SLC40A1: variants seen among roughly 807,000 people sequenced by gnomAD.
SLC40A1 encodes the protein ferroportin.
A neutral mutation model predicts 53.5 loss-of-function variants in SLC40A1; 16 were observed. That is an observed-to-expected ratio of 0.30 (90% confidence interval 0.20 to 0.45). The LOEUF (loss-of-function observed/expected upper bound fraction) is 0.45. Ranked by LOEUF, SLC40A1 falls within the 20% of genes least tolerant of loss-of-function variation. The pLI, the probability that SLC40A1 is intolerant of heterozygous loss-of-function variation, is 1.00. For synonymous variants in SLC40A1, 247 were observed against 253.2 expected, an observed-to-expected ratio of 0.98 and a Z score of 0.23; for missense variants, 545 against 695.4, an observed-to-expected ratio of 0.78 and a Z score of 2.43.
chr2:189,563,576 T>C lies in SLC40A1; in HGVS notation c.1402+8A>G. The C allele has an allele frequency of 6.2e-7, 1 of 1,612,324 alleles. No homozygotes were observed. Among genetic ancestry groups the C allele is most frequent in the Middle Eastern group, 1.7e-4 (1 of 6,050 alleles). ...TAGTTCATTAATATATAAAAAGAGA[T>C]TTCTTACCGATTCTAGCAGCAATGA... On this transcript the variant is annotated splice_region_variant and intron_variant, in intron 7 of 7. Transcript: ENST00000261024.
In SLC40A1 at chr2:189,579,897, G is replaced by A. The variant is rs767047095; in HGVS notation, c.44-17C>T. On this transcript the variant is annotated splice_polypyrimidine_tract_variant and intron_variant, in intron 1 of 7. Coordinates refer to ENST00000261024, the MANE Select transcript of SLC40A1 (RefSeq NM_014585.6). ...CCAAGGATCCTGCAAAGACACAGGCGGGGTGACAAAAAGCGATGGTAGTCA... is the reference window on the plus strand; with the variant it reads ...CCAAGGATCCTGCAAAGACACAGGCAGGGTGACAAAAAGCGATGGTAGTCA... 4 of 1,613,584 alleles carry A rather than the reference G, an allele frequency of 2.5e-6. No homozygotes were observed. Among genetic ancestry groups the A allele is most frequent in the East Asian group, 4.5e-5 (2 of 44,896 alleles).
chr2:189,560,839 T>C lies in SLC40A1; in HGVS notation c.*1039A>G, dbSNP rs375974634. The C allele has an allele frequency of 6.6e-6, 1 of 152,612 alleles. No homozygotes were observed. The highest frequency in any genetic ancestry group is 2.4e-5 in the African/African-American group (1 of 41,464). 9.5% of individuals were successfully genotyped at this position (152,612 alleles called of 1,614,324 possible). On this transcript the variant is annotated 3_prime_UTR_variant, in exon 8 of 8. Coordinates refer to ENST00000261024, the MANE Select transcript of SLC40A1 (RefSeq NM_014585.6). ...TTTTAAAATATATACAAACTTTTTT[T>C]CTTCTATTCTTCTCAAAGGCATTTG...
chr2:189,579,829 T>C lies in SLC40A1; in HGVS notation c.95A>G (p.His32Arg). The C allele has an allele frequency of 6.2e-7, 1 of 1,614,124 alleles. No individual in the cohort carries two copies. Among genetic ancestry groups the C allele is most frequent in the Non-Finnish European group, 8.5e-7 (1 of 1,179,972 alleles). Reference protein sequence around the residue: ...TSAKFLLYLGHSLSTWGDRMW... With the variant: ...TSAKFLLYLGRSLSTWGDRMW... Reference sequence around the variant, plus strand: ...CTCACTTACCCAAGTAGAGAGAGAATGACCAAGGTAGAGAAGGAATTTTGC... The same window carrying C: ...CTCACTTACCCAAGTAGAGAGAGAACGACCAAGGTAGAGAAGGAATTTTGC... The change falls in exon 2 of 8, where the codon CAT becomes CGT. Residue 32 changes from histidine (H) to arginine (R), a missense_variant. Coordinates refer to ENST00000261024, the MANE Select transcript of SLC40A1 (RefSeq NM_014585.6).
intron 3 of SLC40A1, among the ~76,000 whole-genome samples, chr2:189,574,293 T>G (rs1395476492): frequency 2.0e-5 from 3 of 152,180 alleles, no homozygotes; most frequent in Non-Finnish European, 2.9e-5. Flanking sequence ...TTTTCTAGAT[T>G]ACAGAACTTT....
rs910343037 is a variant in SLC40A1, at chr2:189,561,988, T to A, written c.1606A>T (p.Ile536Phe). 25 of 1,614,038 alleles carry A rather than the reference T, an allele frequency of 1.5e-5. No homozygotes were observed. In the African/African-American group the frequency reaches 3.3e-4, roughly 22 times the overall value. ...TTTTGGGCAAATCGGAAATACATAA[T>A]GTGGCCCATTGCCACAAAGGAGACT... ...ISVSFVAMGH[I>F]MYFRFAQNTL... Residue 536 changes from isoleucine (I) to phenylalanine (F), a missense_variant, in exon 8 of 8, where the codon ATT (isoleucine) becomes TTT (phenylalanine). Physicochemically the swap from Ile to Phe is conservative, Grantham distance 21. This residue lies in a region of SLC40A1 where 234 missense variants were observed against 299.0 expected (regional missense o/e 0.78). Coordinates refer to ENST00000261024, the MANE Select transcript of SLC40A1 (RefSeq NM_014585.6).
chr2:189,568,114 A>G (rs1438045076), intron 5 of SLC40A1, among the ~76,000 whole-genome samples: 1 of 152,112 alleles, frequency 6.6e-6, no homozygotes, highest in East Asian at 1.9e-4. Context: ...GAAAGTTAAT[A>G]ATATGTAGGT....
rs552769959 is a variant in SLC40A1 at position 189,580,168 on chromosome 2, GTTTT to G, written c.43+246_43+249del. ...CTTTTTTGGGTTGGTTGGTTTGTTT[GTTTT>G]GTTTCTTTTTTACACAAGGCAATCC... On this transcript the variant is annotated intron_variant, in intron 1 of 7. Transcript: ENST00000261024. Among the ~76,000 whole-genome samples, 246 of 142,658 alleles carry G rather than the reference GTTTT, an allele frequency of 1.7e-3. 1 individual carries two copies. The highest frequency in any genetic ancestry group is 5.8e-3 in the African/African-American group (234 of 40,128). The allele number at this position is 142,658 out of a possible 152,430, so 93.6% of individuals were successfully genotyped here.
chr2:189,563,346 C>G (rs1053792462), intron 7 of SLC40A1, among the ~76,000 whole-genome samples: 1 of 150,344 alleles, frequency 6.7e-6, no homozygotes, highest in South Asian at 2.1e-4. Context: ...ATTTTCAAGC[C>G]TGAACCATGT....
rs758105683 is a variant in SLC40A1 at position 189,563,776 on chromosome 2, G to T, written c.1210C>A (p.Pro404Thr). ...AACCTTGATCGGATATCTTCAAAAGGAGAAACGGACAAGTCCAGGGGGCTT... is the reference window on the plus strand; with the variant it reads ...AACCTTGATCGGATATCTTCAAAAGTAGAAACGGACAAGTCCAGGGGGCTT... ...PGSPLDLSVS[P>T]FEDIRSRFIQ... The change falls in exon 7 of 8, where the codon CCT becomes ACT. Residue 404 changes from proline (P) to threonine (T), a missense_variant. By Grantham distance (38) the Pro-to-Thr change is conservative (BLOSUM62 -1). This residue lies in a region of SLC40A1 where 234 missense variants were observed against 299.0 expected (regional missense o/e 0.78). Coordinates refer to ENST00000261024, the MANE Select transcript of SLC40A1 (RefSeq NM_014585.6). 1 of 1,614,178 alleles carries T rather than the reference G, an allele frequency of 6.2e-7. No homozygotes were observed. The highest frequency in any genetic ancestry group is 8.5e-7 in the Non-Finnish European group (1 of 1,180,024).
At chr2:189,566,190 A>G (rs1206225001) in intron 5 of SLC40A1, among the ~76,000 whole-genome samples, 1 of 152,224 alleles carries the variant, frequency 6.6e-6, no homozygotes, top group East Asian at 1.9e-4. Flanking sequence ...TGAAAAAAAG[A>G]GCATCACAGC....
At chr2:189,577,055 T>C (rs1216627877) in intron 2 of SLC40A1, among the ~76,000 whole-genome samples, 2 of 152,222 alleles carry the variant, frequency 1.3e-5, no homozygotes, top group African/African-American at 2.4e-5. Context: ...GTAAAGTCTA[T>C]GTAAATATTG....
At position 189,571,695 on chromosome 2, in the gene SLC40A1, A is replaced by G. The variant is rs996146347; in HGVS notation, c.514+20T>C. Reference sequence around the variant, plus strand: ...TGAATCCTAACATGCTCATTTCATTAAAAGAGAAAGCCAAATTACTTGCTA... The same window carrying G: ...TGAATCCTAACATGCTCATTTCATTGAAAGAGAAAGCCAAATTACTTGCTA... On this transcript the variant is annotated intron_variant, in intron 5 of 7. Transcript: ENST00000261024. The G allele has an allele frequency of 1.7e-5, 28 of 1,611,870 alleles. No individual in the cohort carries two copies. Among genetic ancestry groups the G allele is most frequent in the Non-Finnish European group, 2.4e-5 (28 of 1,178,746 alleles).
In SLC40A1 at chr2:189,571,735, T is replaced by C. The variant is rs1426749167; in HGVS notation, c.494A>G (p.Glu165Gly). 32 of 1,612,654 alleles carry C rather than the reference T, an allele frequency of 2.0e-5. No individual in the cohort carries two copies. The highest frequency in any genetic ancestry group is 2.6e-5 in the Non-Finnish European group (31 of 1,178,932). Residue 165 changes from glutamate (E) to glycine (G), a missense_variant, in exon 5 of 8, where the codon GAA (glutamate) becomes GGA (glycine). This residue lies in a region of SLC40A1 where 197 missense variants were observed against 278.8 expected (regional missense o/e 0.71). Coordinates refer to ENST00000261024, the MANE Select transcript of SLC40A1 (RefSeq NM_014585.6). Reference protein sequence around the residue: ...QRDWIVVVAGEDRSKLANMNA... With the variant: ...QRDWIVVVAGGDRSKLANMNA... Reference sequence around the variant, plus strand: ...ATTACTTGCTAGTTTGCTTCTGTCTTCTCCTGCAACAACAACAATCCAATC... The same window carrying C: ...ATTACTTGCTAGTTTGCTTCTGTCTCCTCCTGCAACAACAACAATCCAATC...
chr2:189,560,746 C>G lies in SLC40A1; in HGVS notation c.*1132G>C, dbSNP rs1169208301. The stretch of plus-strand genomic sequence containing the variant: ...ACGTATTGCAGTCTCCATGAAAGTG[C>G]ATATAAACGGTTAAGGCAAAGTACC... On this transcript the variant is annotated 3_prime_UTR_variant, in exon 8 of 8. Transcript: ENST00000261024. 1 of 152,684 alleles carries G rather than the reference C, an allele frequency of 6.5e-6. No homozygotes were observed. Among genetic ancestry groups the G allele is most frequent in the East Asian group, 1.9e-4 (1 of 5,176 alleles). 9.5% of individuals were successfully genotyped at this position (152,684 alleles called of 1,614,324 possible).
Position 189,572,961 on chromosome 2 carries a change from A to G in SLC40A1, c.272T>C (p.Val91Ala), listed in dbSNP as rs2031178159. The G allele has an allele frequency of 2.5e-6, 4 of 1,604,056 alleles. No homozygotes were observed. Among genetic ancestry groups the G allele is most frequent in the Non-Finnish European group, 2.6e-6 (3 of 1,170,812 alleles). The change falls in exon 4 of 8, where the codon GTG (valine) becomes GCG (alanine). Residue 91 changes from valine to alanine, a missense_variant and splice_region_variant. Val to Ala is a moderately conservative substitution (Grantham distance 64, BLOSUM62 0). Transcript: ENST00000261024. Reference protein sequence around the residue: ...DWVDKNARLKVAQTSLVVQNV... With the variant: ...DWVDKNARLKAAQTSLVVQNV... ...CTGTACCACCAGCGAGGTCTGGGCCACTGTGCAGAGGAAGAGAGAAAGTGT... is the reference window on the plus strand; with the variant it reads ...CTGTACCACCAGCGAGGTCTGGGCCGCTGTGCAGAGGAAGAGAGAAAGTGT...
chr2:189,569,650 A>G (rs2031058986), intron 5 of SLC40A1, among the ~76,000 whole-genome samples: 2 of 152,228 alleles, frequency 1.3e-5, no homozygotes, highest in Admixed American at 1.3e-4. Flanking sequence ...TGAAACATGC[A>G]GAAAGTTTTC....
At chr2:189,574,794 T>TC (rs2031237857) in intron 3 of SLC40A1, among the ~76,000 whole-genome samples, 1 of 152,158 alleles carries the variant, frequency 6.6e-6, no homozygotes, top group South Asian at 2.1e-4. Flanking sequence ...GTTAAAGCTG[T>TC]CTCAGGAACA....
chr2:189,562,081 G>C lies in SLC40A1; in HGVS notation c.1513C>G (p.Leu505Val). The C allele has an allele frequency of 6.2e-7, 1 of 1,613,976 alleles. No individual in the cohort carries two copies. The highest frequency in any genetic ancestry group is 2.2e-5 in the East Asian group (1 of 44,868). Reference sequence around the variant, plus strand: ...AGGATGACCATGATGAAATGCAGAAGATCAAGAAGATAGTTCATGGAGTTC... The same window carrying C: ...AGGATGACCATGATGAAATGCAGAACATCAAGAAGATAGTTCATGGAGTTC... ...VQNSMNYLLD[L>V]LHFIMVILAP... Residue 505 changes from leucine to valine, a missense_variant, in exon 8 of 8, where the codon CTT becomes GTT. This residue lies in a region of SLC40A1 where 234 missense variants were observed against 299.0 expected (regional missense o/e 0.78). Transcript: ENST00000261024.
chr2:189,566,844 T>C (rs2030954194), intron 5 of SLC40A1, among the ~76,000 whole-genome samples: 1 of 152,118 alleles, frequency 6.6e-6, no homozygotes, highest in Non-Finnish European at 1.5e-5. Flanking sequence ...AATGGTCCTC[T>C]AGGAAAGTGG....
Sources: allele counts gnomAD v4.1 joint callset (sites outside exome capture counted in the v4.1 genomes callset), GRCh38; gene constraint gnomAD v4.1.1; regional missense constraint gnomAD v4.1.1; transcripts MANE v1.5; gene names NCBI Gene and HGNC (gene_info 2026-07-23, HGNC 2026-07-21).